Variants in FAT2 observed in about 807,000 individuals in gnomAD.
FAT2 encodes FAT atypical cadherin 2.
In FAT2, 150 loss-of-function variants were observed where a neutral mutation model predicts 295.3. That is an observed-to-expected ratio of 0.51 (90% CI 0.44 to 0.58). The LOEUF is 0.58. FAT2 is among the 20% of genes least tolerant of loss of function. The pLI, the probability that FAT2 is intolerant of heterozygous loss-of-function variation, is 0.00. For missense variants in FAT2, 4,868 were observed against 5,442.7 expected (o/e 0.89, Z 3.32); for synonymous variants, 2,026 against 2,150.3 (o/e 0.94, Z 1.60).
rs2127562369 is a variant in FAT2, at chr5:151,505,764, C to T, written c.12851G>A (p.Gly4284Glu). The T allele has an allele frequency of 6.2e-7, 1 of 1,614,034 alleles. No individual in the cohort carries two copies. The highest frequency in any genetic ancestry group is 1.6e-4 in the Middle Eastern group (1 of 6,062). ...GTCTGCCAGGCAGGGCCCTCCCCCTCCCTGCCGGAACTGCGAGTGGTAGTA... is the reference window on the plus strand; with the variant it reads ...GTCTGCCAGGCAGGGCCCTCCCCCTTCCTGCCGGAACTGCGAGTGGTAGTA... ...ISYYHSQFRQGGGGPCLADGG... is the reference protein window; with the variant it reads ...ISYYHSQFRQEGGGPCLADGG... The change falls in exon 24 of 24, where the codon GGA (glycine) becomes GAA (glutamate). Residue 4284 changes from glycine to glutamate, a missense_variant. Physicochemically the swap from Gly to Glu is moderately conservative, Grantham distance 98. Transcript: ENST00000261800.
At chr5:151,518,052 C>A (rs1753042726) in intron 19 of FAT2, among the ~76,000 whole-genome samples, 1 of 152,124 alleles carries the variant, frequency 6.6e-6, no homozygotes, top group Non-Finnish European at 1.5e-5. Context: ...AAAAGTCATC[C>A]AGGTGAGGTG....
At chr5:151,517,107 CAAAAAAA>C (rs566698678) in intron 20 of FAT2, among the ~76,000 whole-genome samples, 3 of 91,026 alleles carry the variant, frequency 3.3e-5, no homozygotes, top group South Asian at 3.3e-4. Flanking sequence ...GACTCCATCT[CAAAAAAA>C]AAAAAAAGAA....
rs765088925 is a variant in FAT2, at chr5:151,551,431, C to A, written c.4296+36G>T. 3.1e-6 allele frequency: 5 copies of A among 1,605,084 alleles called. No individual in the cohort carries two copies. In the Admixed American group the frequency reaches 8.4e-5, roughly 27 times the overall value. On this transcript the variant is annotated intron_variant, in intron 7 of 23. Coordinates refer to ENST00000261800, the MANE Select transcript of FAT2 (RefSeq NM_001447.3). Reference sequence around the variant, plus strand: ...CCCAACCAAGAAGGCCTTCCATCTCCTCTCAATACAGGGGTCCCCAGCCGA... The same window carrying A: ...CCCAACCAAGAAGGCCTTCCATCTCATCTCAATACAGGGGTCCCCAGCCGA...
At chr5:151,563,671 C>G in intron 2 of FAT2, 32 bp from the exon 3 acceptor site, 1 of 1,589,550 alleles carries the variant, frequency 6.3e-7, no homozygotes, top group Non-Finnish European at 8.6e-7. Context: ...ACCCAAAATA[C>G]TTTAGAGCTC....
intron 21 of FAT2, chr5:151,511,730 AT>A (rs2127569768): frequency 5.6e-6 from 1 of 177,120 alleles, no homozygotes; most frequent in East Asian, 1.4e-4. Flanking sequence ...ACTTATATAA[AT>A]TGGAAATTCA....
intron 11 of FAT2, among the ~76,000 whole-genome samples, chr5:151,539,673 G>A (rs1334553534): frequency 1.3e-5 from 2 of 152,118 alleles, no homozygotes; most frequent in Admixed American, 6.5e-5. Flanking sequence ...AACTTTGAAA[G>A]AATGTAAATC....
In FAT2 at chr5:151,565,887, A is replaced by G. The variant is rs370592223; in HGVS notation, c.3045T>C (p.His1015=). 81 of 1,613,814 alleles carry G rather than the reference A, an allele frequency of 5.0e-5. No homozygotes were observed. The highest frequency in any genetic ancestry group is 6.4e-5 in the Non-Finnish European group (75 of 1,180,000). Residue 1015 remains histidine (H), a synonymous_variant, in exon 2 of 24, where the codon CAT becomes CAC. Transcript: ENST00000261800. ...GRPLARRTLC[H]VEVIVLDVNE... ...TCACATCCAGGACGATCACCTCCAC[A>G]TGGCAGAGAGTCCTGCGGGCTAGGG...
At chr5:151,527,409 T>A (rs781325576) in intron 16 of FAT2, 32 bp from the exon 17 acceptor site, 6 of 1,552,648 alleles carry the variant, frequency 3.9e-6, no homozygotes, top group Non-Finnish European at 5.2e-6. Context: ...AGGTTAGCAA[T>A]GAGGTAGCTG....
At chr5:151,585,482 C>A (rs1759134114) in intron 1 of FAT2, among the ~76,000 whole-genome samples, 2 of 152,214 alleles carry the variant, frequency 1.3e-5, no homozygotes, top group African/African-American at 2.4e-5. Context: ...CGTGGTGGCA[C>A]ATGCCTGTAA....
chr5:151,529,557 C>G (rs920997447), intron 14 of FAT2, among the ~76,000 whole-genome samples, 165 bp from the exon 15 acceptor site: 6 of 150,622 alleles, frequency 4.0e-5, no homozygotes, highest in Non-Finnish European at 3.0e-5. Flanking sequence ...CCCTTGACCC[C>G]CTTCCCCATC....
chr5:151,540,919 A>G (rs372770829), intron 10 of FAT2, among the ~76,000 whole-genome samples, 156 bp from the exon 11 acceptor site: 74 of 152,356 alleles, frequency 4.9e-4, no homozygotes, highest in African/African-American at 1.7e-3. Context: ...CACTGAGTCC[A>G]CTTTTTGGTG....
Position 151,512,295 on chromosome 5 carries a change from C to A in FAT2, c.11775G>T (p.Leu3925=). The part of the protein sequence containing the change: ...AVVVNEEALD[L]LAPGKTVAGL... ...CTGCCACCGTCTTGCCAGGGGCCAG[C>A]AGATCTAGAGCCTCTTCGTTGACCA... Residue 3925 remains leucine (L), a synonymous_variant, in exon 21 of 24, where the codon CTG becomes CTT. Coordinates refer to ENST00000261800, the MANE Select transcript of FAT2 (RefSeq NM_001447.3). This position sits in a 1 kb window ranked among gnomAD's most constrained non-coding sequence, Gnocchi z 4.1. 8 of 1,614,240 alleles carry A rather than the reference C, an allele frequency of 5.0e-6. No homozygotes were observed. Among genetic ancestry groups the A allele is most frequent in the Non-Finnish European group, 6.8e-6 (8 of 1,180,046 alleles).
At chr5:151,538,695 T>C (rs967087408) in intron 11 of FAT2, among the ~76,000 whole-genome samples, 8 of 152,202 alleles carry the variant, frequency 5.3e-5, no homozygotes, top group Non-Finnish European at 1.0e-4. Context: ...TTCTCTTTTT[T>C]GAGACAGAGT....
chr5:151,533,945 T>A (rs894801301), intron 13 of FAT2, among the ~76,000 whole-genome samples: 1 of 152,148 alleles, frequency 6.6e-6, no homozygotes, highest in Non-Finnish European at 1.5e-5. Context: ...AATGAAAATA[T>A]GGAGTTAAAA....
intron 22 of FAT2, among the ~76,000 whole-genome samples, chr5:151,508,263 T>A (rs1285460472): frequency 1.3e-5 from 2 of 152,206 alleles, no homozygotes; most frequent in Non-Finnish European, 2.9e-5. Flanking sequence ...CTACCAGTTG[T>A]TTGTTATTTT....
Position 151,553,547 on chromosome 5 carries a change from G to A in FAT2, c.3946-160C>T, listed in dbSNP as rs1228785314. 2.0e-5 allele frequency among the ~76,000 whole-genome samples: 3 copies of A among 152,234 alleles called. No individual in the cohort carries two copies. The East Asian group carries it at 5.8e-4, about 29-fold the overall frequency. On this transcript the variant is annotated intron_variant, in intron 5 of 23. Coordinates refer to ENST00000261800, the MANE Select transcript of FAT2 (RefSeq NM_001447.3). ...CATACTTGAAGGCTTGCTGTAAACA[G>A]GCACCCTGCCAGTTGCTGCAGGCAC... is the stretch of plus-strand genomic sequence containing the variant.
chr5:151,524,237 T>C (rs963048721), intron 18 of FAT2, among the ~76,000 whole-genome samples: 9 of 152,196 alleles, frequency 5.9e-5, no homozygotes, highest in African/African-American at 1.2e-4. Context: ...ACTTAGAAGA[T>C]TGGATGCCCT....
intron 20 of FAT2, among the ~76,000 whole-genome samples, chr5:151,517,300 TG>T (rs1752968223): frequency 1.3e-5 from 2 of 152,200 alleles, no homozygotes. Context: ...CCCCCATCCC[TG>T]GGAAACACTG....
At chr5:151,589,964 T>C (rs1253745365) in intron 1 of FAT2, among the ~76,000 whole-genome samples, 5 of 152,144 alleles carry the variant, frequency 3.3e-5, no homozygotes, top group Non-Finnish European at 7.4e-5. Flanking sequence ...TTTTATATGT[T>C]CAGACATAGG....
Sources: allele counts gnomAD v4.1 joint callset (sites outside exome capture counted in the v4.1 genomes callset), GRCh38; gene constraint gnomAD v4.1.1; non-coding constraint Gnocchi (gnomAD v3.1); transcripts MANE v1.5; gene names NCBI Gene and HGNC (gene_info 2026-07-23, HGNC 2026-07-21).